Variants in SHANK2 observed in about 807,000 individuals in gnomAD.
SHANK2 encodes SH3 and multiple ankyrin repeat domains protein 2.
A neutral mutation model predicts 133.7 loss-of-function variants in SHANK2; 43 were observed. The ratio of observed to expected loss-of-function variants is 0.32; its 90% CI spans 0.25 to 0.41. The LOEUF (loss-of-function observed/expected upper bound fraction) is 0.41, where lower values mean the gene tolerates loss of function less well. SHANK2 is among the 10% of genes least tolerant of loss of function. SHANK2 has a pLI of 1.00. For missense variants in SHANK2, 1,994 were observed against 2,235.8 expected, an observed-to-expected ratio of 0.89 and a Z score of 2.18; for synonymous variants, 1,017 against 952.8, an observed-to-expected ratio of 1.07 and a Z score of -1.24.
chr11:71,178,880 GGCTGAGGCA>G (rs1590992249), intron 2 of SHANK2, among the ~76,000 whole-genome samples: 1 of 152,278 alleles, frequency 6.6e-6, no homozygotes, highest in East Asian at 1.9e-4. Flanking sequence ...CTACTCAGCA[GGCTGAGGCA>G]TGAGAGTCAC....
chr11:70,906,823 G>A (rs1448815424), intron 10 of SHANK2, among the ~76,000 whole-genome samples: 3 of 152,204 alleles, frequency 2.0e-5, no homozygotes, highest in Non-Finnish European at 2.9e-5. Context: ...GTCAGGGGTC[G>A]CCGAGTTCCC....
At chr11:71,083,865 T>C (rs1472004222) in intron 8 of SHANK2, among the ~76,000 whole-genome samples, 3 of 152,228 alleles carry the variant, frequency 2.0e-5, no homozygotes, top group African/African-American at 7.2e-5. Flanking sequence ...GGGGTGTTTC[T>C]TAACTTGCTT....
chr11:70,844,501 G>T (rs1031586182), intron 11 of SHANK2, among the ~76,000 whole-genome samples: 2 of 152,178 alleles, frequency 1.3e-5, no homozygotes, highest in Non-Finnish European at 2.9e-5. Context: ...TGGGGCCGCA[G>T]TGGAGGAGTT....
Position 70,820,657 on chromosome 11 carries a change from G to A in SHANK2, c.1200C>T (p.Tyr400=). 1.4e-6 allele frequency: 1 copy of A among 700,878 alleles called. No individual in the cohort carries two copies. The allele number at this position is 700,878 out of a possible 1,614,324, so 43.4% of individuals were successfully genotyped here. A position where few individuals can be genotyped will look rare whatever the true frequency, so the allele number is the denominator to read the frequency against. Residue 400 remains tyrosine (Y), a synonymous_variant, in exon 12 of 26, where the codon TAC becomes TAT. Coordinates refer to ENST00000601538, the MANE Select transcript of SHANK2 (RefSeq NM_012309.5). ...TGGGGGGCCGCCGCCGGCGGTTGGAGTACGCCGGGGCCTCTCGGAAGGGCA... is the reference window on the plus strand; with the variant it reads ...TGGGGGGCCGCCGCCGGCGGTTGGAATACGCCGGGGCCTCTCGGAAGGGCA... ...DIVPFREAPA[Y]SNRRRRPPNT...
At position 70,939,581 on chromosome 11, in the gene SHANK2, C is replaced by T. The variant is rs1555083992; in HGVS notation, c.1108-43014G>A. Among the ~76,000 whole-genome samples, 3 of 152,194 alleles carry T rather than the reference C, an allele frequency of 2.0e-5. No individual in the cohort carries two copies. In the East Asian group the frequency reaches 5.8e-4, roughly 29 times the overall value. ...TGGGGCAGCCTGCTCACCAAGGCCT[C>T]TCCTGAGCTTCGTTCTCCATCCAAC... On this transcript the variant is annotated intron_variant, in intron 10 of 25. Coordinates refer to ENST00000601538, the MANE Select transcript of SHANK2 (RefSeq NM_012309.5).
intron 14 of SHANK2, among the ~76,000 whole-genome samples, chr11:70,784,582 C>T (rs912970477): frequency 3.9e-5 from 6 of 151,990 alleles, no homozygotes; most frequent in African/African-American, 1.5e-4. Context: ...GCTGGGATTA[C>T]AGGCGTGAGC....
intron 18 of SHANK2, 66 bp downstream of exon 18, chr11:70,502,730 T>TGGGCGGG: frequency 5.2e-6 from 4 of 772,452 alleles, no homozygotes; most frequent in African/African-American, 2.3e-5. Context: ...CCAGCTGTCC[T>TGGGCGGG]GCCCGCCCCC....
chr11:70,527,727 G>T lies in SHANK2; in HGVS notation c.2062-24796C>A, dbSNP rs1003979190. On this transcript the variant is annotated intron_variant, in intron 17 of 25. Coordinates refer to ENST00000601538, the MANE Select transcript of SHANK2 (RefSeq NM_012309.5). ...GATGTGGTGGTGACTCAGACTCCGA[G>T]GTCATGGAGAAGGCCCCTCTGATAA... Among the ~76,000 whole-genome samples the T allele has an allele frequency of 3.3e-5, 5 of 152,196 alleles. 1 individual carries two copies. In the South Asian group the frequency reaches 1.0e-3, roughly 32 times the overall value.
At chr11:70,489,263 T>C (rs2058853342) in intron 24 of SHANK2, 65 bp downstream of exon 24, 1 of 1,497,616 alleles carries the variant, frequency 6.7e-7, no homozygotes, top group East Asian at 2.3e-5. Context: ...AATTTAAGAA[T>C]ACACCTTATA....
At chr11:70,727,341 A>G (rs1355130685) in intron 14 of SHANK2, among the ~76,000 whole-genome samples, 2 of 152,256 alleles carry the variant, frequency 1.3e-5, no homozygotes, top group African/African-American at 4.8e-5. Flanking sequence ...TACTTCACAT[A>G]TGAACTGCTA....
At chr11:70,537,417 G>A (rs2059559312) in intron 17 of SHANK2, among the ~76,000 whole-genome samples, 1 of 152,248 alleles carries the variant, frequency 6.6e-6, no homozygotes. Context: ...ACGTGTTCTC[G>A]TAAGAGACAG....
Position 70,923,157 on chromosome 11 carries a change from G to A in SHANK2, c.1108-26590C>T, listed in dbSNP as rs554671503. 2.6e-5 allele frequency among the ~76,000 whole-genome samples: 4 copies of A among 152,298 alleles called. No homozygotes were observed. In the East Asian group the frequency reaches 5.8e-4, roughly 22 times the overall value. ...GAAGAAAGAAATTTGCAGTTGCATG[G>A]TCAGGAGGGGGTGATAATAGATGAT... On this transcript the variant is annotated intron_variant, in intron 10 of 25. Transcript: ENST00000601538.
chr11:70,607,095 C>A (rs565509950), intron 17 of SHANK2, among the ~76,000 whole-genome samples: 1 of 152,320 alleles, frequency 6.6e-6, no homozygotes, highest in Non-Finnish European at 1.5e-5. Flanking sequence ...CCTCAGCCCT[C>A]TTCTGTGGCC....
chr11:70,556,588 TTC>T (rs1554979672), intron 17 of SHANK2, among the ~76,000 whole-genome samples: 1 of 65,834 alleles, frequency 1.5e-5, no homozygotes, highest in East Asian at 2.9e-4. Context: ...GCTAATTTTT[TTC>T]TTTTTTTTTT....
chr11:71,076,181 C>T (rs980107271), intron 8 of SHANK2, among the ~76,000 whole-genome samples: 1 of 152,130 alleles, frequency 6.6e-6, no homozygotes, highest in Non-Finnish European at 1.5e-5. Flanking sequence ...ACACACTGCT[C>T]GACATGGTGG....
intron 17 of SHANK2, among the ~76,000 whole-genome samples, chr11:70,576,408 G>T (rs987948161): frequency 6.6e-6 from 1 of 152,144 alleles, no homozygotes; most frequent in African/African-American, 2.4e-5. Flanking sequence ...GCCGAGGCGG[G>T]CAGATCACGA....
rs1211857205 is a variant in SHANK2, at chr11:70,930,836, G to T, written c.1108-34269C>A. 2.8e-3 allele frequency among the ~76,000 whole-genome samples: 395 copies of T among 140,490 alleles called. 4 individuals carry two copies. Among genetic ancestry groups the T allele is most frequent in the Non-Finnish European group, 4.4e-3 (284 of 64,644 alleles). 92.2% of individuals were successfully genotyped at this position (140,490 alleles called of 152,430 possible). ...CAGACATGCCCCACCACACCCAGCGGTTTTTTTTTTTTTAGAGATGGGGTC... is the reference window on the plus strand; with the variant it reads ...CAGACATGCCCCACCACACCCAGCGTTTTTTTTTTTTTTAGAGATGGGGTC... On this transcript the variant is annotated intron_variant, in intron 10 of 25. Coordinates refer to ENST00000601538, the MANE Select transcript of SHANK2 (RefSeq NM_012309.5).
chr11:70,672,060 C>CTTTTTTT (rs201865483), intron 15 of SHANK2, among the ~76,000 whole-genome samples: 2 of 120,936 alleles, frequency 1.7e-5, no homozygotes, highest in African/African-American at 3.0e-5. Context: ...CTTTTCTTTT[C>CTTTTTTT]TTTTTCTTTT....
chr11:70,880,276 G>A (rs1345811447), intron 11 of SHANK2, among the ~76,000 whole-genome samples: 2 of 152,222 alleles, frequency 1.3e-5, no homozygotes, highest in African/African-American at 4.8e-5. Flanking sequence ...GAAAAGGCAG[G>A]TGCACTAATC....
Sources: gnomAD v4.1 joint callset for allele counts (sites outside exome capture counted in the v4.1 genomes callset) on GRCh38, gnomAD v4.1.1 for gene constraint, MANE v1.5 for transcripts, NCBI Gene and HGNC (gene_info 2026-07-23, HGNC 2026-07-21) for gene names.